BMPR1B: variants seen among roughly 807,000 people sequenced by gnomAD.
BMPR1B encodes the protein bone morphogenetic protein receptor type-1B.
BMPR1B carries 12 observed loss-of-function variants against 59.1 expected under a neutral mutation model. The ratio of observed to expected loss-of-function variants is 0.20; its 90% CI spans 0.13 to 0.33. The LOEUF is 0.33. Ranked by LOEUF, BMPR1B falls within the 10% of genes least tolerant of loss-of-function variation. The pLI is 1.00. For synonymous variants in BMPR1B, 237 were observed against 207.3 expected (o/e 1.14, Z -1.23); for missense variants, 550 against 610.9 (o/e 0.90, Z 1.05).
At chr4:94,819,738 T>C (rs1425821455) in intron 1 of BMPR1B, among the ~76,000 whole-genome samples, 2 of 152,218 alleles carry the variant, frequency 1.3e-5, no homozygotes, top group African/African-American at 4.8e-5. Flanking sequence ...GACAGGGATT[T>C]TGTGAGAATA....
chr4:95,126,086 AC>A (rs1355825976), intron 8 of BMPR1B, among the ~76,000 whole-genome samples: 1 of 152,190 alleles, frequency 6.6e-6, no homozygotes, highest in Non-Finnish European at 1.5e-5. Flanking sequence ...CTTCTCAGTT[AC>A]CCCAGACTAA....
chr4:94,937,383 A>G (rs1729351541), intron 2 of BMPR1B, among the ~76,000 whole-genome samples: 1 of 152,156 alleles, frequency 6.6e-6, no homozygotes, highest in Admixed American at 6.5e-5. Context: ...ATGTTTGTTT[A>G]CATGGCTTTC....
chr4:94,800,908 CCTTT>C (rs1339212174), intron 1 of BMPR1B, among the ~76,000 whole-genome samples: 5 of 152,148 alleles, frequency 3.3e-5, no homozygotes, highest in African/African-American at 1.2e-4. Flanking sequence ...CTATTGTGGT[CCTTT>C]CTTAAGAGTT....
chr4:94,969,059 G>A lies in BMPR1B; in HGVS notation c.-112-26981G>A, dbSNP rs147748158. Reference sequence around the variant, plus strand: ...TTTTTTGTTGTTTTTTTTTTGAGACGGAGTCTTGCTTTGTCGCCAGGCTGG... The same window carrying A: ...TTTTTTGTTGTTTTTTTTTTGAGACAGAGTCTTGCTTTGTCGCCAGGCTGG... On this transcript the variant is annotated intron_variant, in intron 2 of 12. Coordinates refer to ENST00000515059, the MANE Select transcript of BMPR1B (RefSeq NM_001203.3). 6.2e-3 allele frequency among the ~76,000 whole-genome samples: 931 copies of A among 151,126 alleles called. 7 individuals carry two copies. Among genetic ancestry groups the A allele is most frequent in the African/African-American group, 0.021 (848 of 41,186 alleles).
chr4:95,101,305 A>G (rs1274564940), intron 3 of BMPR1B, among the ~76,000 whole-genome samples: 4 of 152,114 alleles, frequency 2.6e-5, no homozygotes, highest in African/African-American at 7.2e-5. Flanking sequence ...TTGGTGTCCT[A>G]CAGTCCTTGG....
chr4:94,956,270 G>T (rs912991076), intron 2 of BMPR1B, among the ~76,000 whole-genome samples: 21 of 151,518 alleles, frequency 1.4e-4, no homozygotes, highest in African/African-American at 5.1e-4. Context: ...AGGTCTTGCT[G>T]TGTTTCCCAG....
intron 1 of BMPR1B, among the ~76,000 whole-genome samples, chr4:94,857,448 A>G (rs1327442027): frequency 2.6e-5 from 4 of 152,236 alleles, no homozygotes; most frequent in African/African-American, 9.6e-5. Flanking sequence ...AGAATTTGGA[A>G]AAAATCTAGT....
chr4:95,148,455 T>C (rs1734802536), intron 10 of BMPR1B, among the ~76,000 whole-genome samples: 1 of 152,106 alleles, frequency 6.6e-6, no homozygotes, highest in Non-Finnish European at 1.5e-5. Context: ...CTCACTATGT[T>C]GCCCAGTCAG....
chr4:94,937,299 T>G (rs1729348399), intron 2 of BMPR1B, among the ~76,000 whole-genome samples: 1 of 152,180 alleles, frequency 6.6e-6, no homozygotes, highest in Admixed American at 6.5e-5. Context: ...CTGGCAGAGT[T>G]AGGCACTTCC....
chr4:95,141,555 G>A lies in BMPR1B; in HGVS notation c.1077-7193G>A, dbSNP rs141204182. 7.4e-3 allele frequency among the ~76,000 whole-genome samples: 1,121 copies of A among 152,242 alleles called. 8 individuals carry two copies. Among genetic ancestry groups the A allele is most frequent in the African/African-American group, 0.016 (651 of 41,546 alleles). On this transcript the variant is annotated intron_variant, in intron 10 of 12. Coordinates refer to ENST00000515059, the MANE Select transcript of BMPR1B (RefSeq NM_001203.3). ...CTTCATGCATTCTCTTGACAGTGAC[G>A]TAAGTGCCGATGCATTTCCTGCTCA...
chr4:94,840,873 T>A (rs1254482173), intron 1 of BMPR1B, among the ~76,000 whole-genome samples: 2 of 147,780 alleles, frequency 1.4e-5, no homozygotes, highest in African/African-American at 5.0e-5. Flanking sequence ...TCTGTTCTGT[T>A]TTTTCCCCAT....
intron 1 of BMPR1B, among the ~76,000 whole-genome samples, chr4:94,875,611 G>A (rs540026428): frequency 6.6e-6 from 1 of 152,280 alleles, no homozygotes; most frequent in Admixed American, 6.5e-5. Context: ...GTGAACCCGG[G>A]AGGCGGAGCT....
intron 3 of BMPR1B, among the ~76,000 whole-genome samples, chr4:95,064,986 T>C (rs1435274338): frequency 6.6e-6 from 1 of 152,166 alleles, no homozygotes; most frequent in African/African-American, 2.4e-5. Context: ...GTGATAATCA[T>C]GTAGTTGTCA....
chr4:95,126,458 C>T (rs1425616294), intron 8 of BMPR1B, among the ~76,000 whole-genome samples: 1 of 152,108 alleles, frequency 6.6e-6, no homozygotes, highest in Non-Finnish European at 1.5e-5. Context: ...AGACATTGGC[C>T]TTTAAAACTA....
intron 2 of BMPR1B, among the ~76,000 whole-genome samples, chr4:94,879,846 A>G (rs780936999): frequency 2.0e-5 from 3 of 152,180 alleles, no homozygotes; most frequent in Non-Finnish European, 4.4e-5. Context: ...TTTTAATACA[A>G]AGTTTGATAC....
chr4:95,100,839 ACGTGT>A (rs1437126482), intron 3 of BMPR1B, among the ~76,000 whole-genome samples: 1 of 152,158 alleles, frequency 6.6e-6, no homozygotes, highest in Non-Finnish European at 1.5e-5. Context: ...TTTTATAGCA[ACGTGT>A]TCTTGTTTCA....
At position 94,760,852 on chromosome 4, in the gene BMPR1B, G is replaced by A. The variant is rs150193689; in HGVS notation, c.-183+2784G>A. On this transcript the variant is annotated intron_variant, in intron 1 of 12. Coordinates refer to ENST00000515059, the MANE Select transcript of BMPR1B (RefSeq NM_001203.3). ...CTTTTCCAAATTACCTCTAACTTGT[G>A]ATACTGATTCTTTGTGGATGCAGTA... Among the ~76,000 whole-genome samples, 741 of 152,286 alleles carry A rather than the reference G, an allele frequency of 4.9e-3. 9 individuals are homozygous for A. The highest frequency in any genetic ancestry group is 0.017 in the African/African-American group (693 of 41,550).
chr4:95,103,371 T>A (rs1730962949), intron 3 of BMPR1B: 7 of 864,168 alleles, frequency 8.1e-6, no homozygotes, highest in Non-Finnish European at 8.3e-6. Context: ...AGCAATTTTT[T>A]AATATTTTTG....
In BMPR1B at chr4:95,007,569, A is replaced by G. The variant is rs991184527; in HGVS notation, c.-18+11435A>G. 3.9e-5 allele frequency among the ~76,000 whole-genome samples: 6 copies of G among 152,220 alleles called. No homozygotes were observed. The East Asian group carries it at 1.2e-3, about 29-fold the overall frequency. On this transcript the variant is annotated intron_variant, in intron 3 of 12. Transcript: ENST00000515059. ...GTTCTAGCCCCATTATTTGTAAGAT[A>G]TAATTTAAGGTTCTTATAAATTATA...
Sources: gnomAD v4.1 joint callset for allele counts (sites outside exome capture counted in the v4.1 genomes callset) on GRCh38, gnomAD v4.1.1 for gene constraint, MANE v1.5 for transcripts, NCBI Gene and HGNC (gene_info 2026-07-23, HGNC 2026-07-21) for gene names.